Variants in ZNF573 observed in about 807,000 individuals in gnomAD.
The protein encoded by ZNF573 is zinc finger protein 573.
Under a neutral mutation model 57.4 loss-of-function variants are expected in ZNF573, and 41 were observed. That is an observed-to-expected ratio of 0.71 (90% CI 0.56 to 0.93). The LOEUF (loss-of-function observed/expected upper bound fraction) is 0.93. ZNF573 is among the 40% of genes least tolerant of loss of function. The pLI is 0.00. For synonymous variants in ZNF573, 249 were observed against 261.0 expected, an observed-to-expected ratio of 0.95 and a Z score of 0.44; for missense variants, 730 against 794.8, an observed-to-expected ratio of 0.92 and a Z score of 0.98.
chr19:37,749,859 A>G (rs541458581), intron 4 of ZNF573, among the ~76,000 whole-genome samples: 1 of 152,340 alleles, frequency 6.6e-6, no homozygotes, highest in Admixed American at 6.5e-5. Flanking sequence ...CTTGAAATGC[A>G]TAAAACTCTA....
intron 3 of ZNF573, 40 bp from the exon 4 acceptor site, chr19:37,770,137 A>T: frequency 1.4e-6 from 2 of 1,439,494 alleles, no homozygotes; most frequent in Non-Finnish European, 1.9e-6. Flanking sequence ...AAAAATAAAA[A>T]CAAAAGTAAC....
chr19:37,764,066 A>C (rs1291238064), intron 4 of ZNF573, among the ~76,000 whole-genome samples: 68 of 147,852 alleles, frequency 4.6e-4, no homozygotes, highest in Non-Finnish European at 3.9e-4. Flanking sequence ...TCTGCCTCAA[A>C]AAAAAAAAAA....
intron 4 of ZNF573, among the ~76,000 whole-genome samples, chr19:37,764,311 G>GT (rs545189639): frequency 0.027 from 3,615 of 136,182 alleles, 141 homozygotes; most frequent in African/African-American, 0.085. Context: ...GTTTTTTTTT[G>GT]TTTTTTTTTT....
chr19:37,753,129 G>A (rs2045454604), intron 4 of ZNF573, among the ~76,000 whole-genome samples: 1 of 151,962 alleles, frequency 6.6e-6, no homozygotes, highest in South Asian at 2.1e-4. Flanking sequence ...GTTGGGGCAG[G>A]GGGTGTGGCA....
At chr19:37,747,482 G>T (rs1568416982) in intron 4 of ZNF573, among the ~76,000 whole-genome samples, 1 of 152,176 alleles carries the variant, frequency 6.6e-6, no homozygotes, top group African/African-American at 2.4e-5. Flanking sequence ...AAACTCTATG[G>T]AATGTAAAGC....
intron 2 of ZNF573, 93 bp from the exon 3 acceptor site, chr19:37,771,789 G>A: frequency 7.5e-7 from 1 of 1,335,056 alleles, no homozygotes; most frequent in Non-Finnish European, 1.0e-6. Flanking sequence ...GAGTGATATA[G>A]TATATGTGGC....
chr19:37,756,300 C>T (rs531269520), intron 4 of ZNF573, among the ~76,000 whole-genome samples: 11 of 152,182 alleles, frequency 7.2e-5, no homozygotes, highest in Non-Finnish European at 1.3e-4. Context: ...TCCTTCTTCC[C>T]CCAAACCTCT....
chr19:37,756,112 G>A (rs570250925), intron 4 of ZNF573, among the ~76,000 whole-genome samples: 2 of 152,312 alleles, frequency 1.3e-5, no homozygotes, highest in East Asian at 1.9e-4. Flanking sequence ...TCCTATCTGC[G>A]AAGTGGGCAC....
chr19:37,777,103 A>G (rs1486209128), intron 1 of ZNF573, among the ~76,000 whole-genome samples: 2 of 152,240 alleles, frequency 1.3e-5, no homozygotes, highest in Non-Finnish European at 2.9e-5. Flanking sequence ...CTAAAAGTAG[A>G]ACTACCATTT....
intron 2 of ZNF573, chr19:37,772,984 T>C (rs2045673539): frequency 5.1e-6 from 5 of 984,268 alleles, no homozygotes; most frequent in Non-Finnish European, 6.0e-6. Flanking sequence ...TCCCCAGTTC[T>C]GGAAATCAAC....
chr19:37,764,954 G>A (rs1382568391), intron 4 of ZNF573, among the ~76,000 whole-genome samples: 1 of 146,868 alleles, frequency 6.8e-6, no homozygotes, highest in Non-Finnish European at 1.5e-5. Context: ...CGCCTAGGCT[G>A]GAGTGCAGTG....
chr19:37,767,089 T>A (rs575414597), intron 4 of ZNF573, among the ~76,000 whole-genome samples: 9 of 152,212 alleles, frequency 5.9e-5, no homozygotes, highest in Non-Finnish European at 1.0e-4. Flanking sequence ...TATAGGAGCA[T>A]TGTGACCTGA....
intron 1 of ZNF573, among the ~76,000 whole-genome samples, chr19:37,776,053 T>C (rs940980614): frequency 6.6e-6 from 1 of 152,204 alleles, no homozygotes. Context: ...AAAATGACCA[T>C]ACTGCCAAAA....
At chr19:37,741,726 A>T (rs1489328221) in intron 4 of ZNF573, among the ~76,000 whole-genome samples, 2 of 152,218 alleles carry the variant, frequency 1.3e-5, no homozygotes, top group African/African-American at 4.8e-5. Context: ...ATCATATTGA[A>T]TGGGCAAAAG....
At chr19:37,759,022 A>G (rs569371181) in intron 4 of ZNF573, 1 of 452,550 alleles carries the variant, frequency 2.2e-6, no homozygotes, top group African/African-American at 2.1e-5. Flanking sequence ...TAATATATCA[A>G]TAATAACTAA....
chr19:37,738,770 T>A lies in ZNF573; in HGVS notation c.1720A>T (p.Ser574Cys). 6.2e-7 allele frequency: 1 copy of A among 1,614,106 alleles called. No individual in the cohort carries two copies. ...RRSSHLTAHQ[S>C]IHADKKPYEC... is the part of the protein sequence containing the mutation. ...TAGGGTTTTTTATCAGCATGAATGCTCTGATGTGCAGTAAGGTGTGAACTA... is the reference window on the plus strand; with the variant it reads ...TAGGGTTTTTTATCAGCATGAATGCACTGATGTGCAGTAAGGTGTGAACTA... Residue 574 changes from serine to cysteine, a missense_variant, in exon 5 of 5, where the codon AGC becomes TGC. Coordinates refer to ENST00000536220, the MANE Select transcript of ZNF573 (RefSeq NM_001172690.2).
intron 4 of ZNF573, chr19:37,758,660 G>T (rs1031745954): frequency 1.3e-5 from 2 of 149,950 alleles, no homozygotes; most frequent in Non-Finnish European, 3.0e-5. Flanking sequence ...TGATAAGTAA[G>T]TTTCCTGGTT....
At chr19:37,776,629 T>C (rs1241480788) in intron 1 of ZNF573, among the ~76,000 whole-genome samples, 1 of 151,984 alleles carries the variant, frequency 6.6e-6, no homozygotes, top group African/African-American at 2.4e-5. Context: ...TAAAGATAAA[T>C]AGATGGGACT....
chr19:37,758,986 A>G (rs2045525265), intron 4 of ZNF573: 1 of 418,650 alleles, frequency 2.4e-6, no homozygotes, highest in Non-Finnish European at 3.2e-6. Context: ...ATAATAACTA[A>G]TTATAGGCTG....
Sources: allele counts gnomAD v4.1 joint callset (sites outside exome capture counted in the v4.1 genomes callset), GRCh38; gene constraint gnomAD v4.1.1; transcripts MANE v1.5; gene names NCBI Gene and HGNC (gene_info 2026-07-23, HGNC 2026-07-21).